LCLAT1: variants seen among roughly 807,000 people sequenced by gnomAD.
LCLAT1 encodes 1-AGP acyltransferase 8.
A neutral mutation model predicts 30.7 loss-of-function variants in LCLAT1; 11 were observed. That is an observed-to-expected ratio of 0.36 (90% CI 0.23 to 0.59). LCLAT1 has a LOEUF of 0.59. Among genes scored for constraint, LCLAT1 ranks in the 20% least tolerant of loss-of-function variants. The probability of loss-of-function intolerance (pLI) is 0.77; values close to 1 mark genes in which losing one functional copy is unlikely to be tolerated. For synonymous variants in LCLAT1, 155 were observed against 151.3 expected, an observed-to-expected ratio of 1.02 and a Z score of -0.18; for missense variants, 402 against 458.6, an observed-to-expected ratio of 0.88 and a Z score of 1.13.
At chr2:30,484,052 T>G (rs1683448385) in intron 1 of LCLAT1, among the ~76,000 whole-genome samples, 2 of 152,186 alleles carry the variant, frequency 1.3e-5, no homozygotes, top group Admixed American at 6.5e-5. Context: ...AGCAGTCACC[T>G]TAGAGGTTTT....
chr2:30,567,634 C>G (rs1014610313), intron 4 of LCLAT1, among the ~76,000 whole-genome samples: 1 of 152,156 alleles, frequency 6.6e-6, no homozygotes, highest in African/African-American at 2.4e-5. Flanking sequence ...TGGGCAGTTA[C>G]CCGAGACAGC....
chr2:30,607,206 T>A (rs1177226195), intron 5 of LCLAT1: 1 of 152,132 alleles, frequency 6.6e-6, no homozygotes, highest in Non-Finnish European at 1.5e-5. Flanking sequence ...CGGCTAATTT[T>A]TTTGTATTTT....
chr2:30,459,666 C>T (rs745751696), intron 1 of LCLAT1: 123 of 1,613,960 alleles, frequency 7.6e-5, no homozygotes, highest in East Asian at 2.7e-4. Flanking sequence ...GGTCAATTAA[C>T]GAGGCAGTTT....
intron 1 of LCLAT1, among the ~76,000 whole-genome samples, chr2:30,511,944 G>A (rs1300675865): frequency 6.6e-6 from 1 of 152,138 alleles, no homozygotes; most frequent in Non-Finnish European, 1.5e-5. Flanking sequence ...CCGCCTCCTA[G>A]GCCTTAGGAG....
intron 2 of LCLAT1, among the ~76,000 whole-genome samples, chr2:30,531,265 A>G (rs2148393679): frequency 1.3e-5 from 2 of 152,296 alleles, no homozygotes; most frequent in East Asian, 3.9e-4. Context: ...ACTCCGTCTC[A>G]AAAGAAAAAA....
chr2:30,508,782 G>A (rs550865371), intron 1 of LCLAT1, among the ~76,000 whole-genome samples: 2 of 152,144 alleles, frequency 1.3e-5, no homozygotes, highest in East Asian at 3.9e-4. Context: ...TTTTAAAATA[G>A]TTTTTTTCTA....
At chr2:30,478,450 T>C (rs757801051) in intron 1 of LCLAT1, among the ~76,000 whole-genome samples, 3 of 152,204 alleles carry the variant, frequency 2.0e-5, no homozygotes, top group Non-Finnish European at 4.4e-5. Flanking sequence ...ACATTTCTAA[T>C]CTGGGAAACA....
intron 1 of LCLAT1, among the ~76,000 whole-genome samples, chr2:30,460,947 C>T (rs1165541144): frequency 6.6e-6 from 1 of 152,222 alleles, no homozygotes; most frequent in East Asian, 1.9e-4. Context: ...AGCAGGGAAG[C>T]TTTGCATCCC....
At chr2:30,523,970 C>T (rs1042146222) in intron 1 of LCLAT1, among the ~76,000 whole-genome samples, 6 of 152,186 alleles carry the variant, frequency 3.9e-5, no homozygotes, top group Admixed American at 6.5e-5. Flanking sequence ...TCAAAAGCAC[C>T]ATGACGTTTG....
intron 5 of LCLAT1, among the ~76,000 whole-genome samples, chr2:30,582,400 G>C (rs1442414619): frequency 6.6e-6 from 1 of 152,124 alleles, no homozygotes; most frequent in Non-Finnish European, 1.5e-5. Context: ...ATTTTATGAG[G>C]ATATATAACT....
chr2:30,562,507 A>AAAAACAAAAC (rs148957012), intron 4 of LCLAT1, among the ~76,000 whole-genome samples: 13 of 151,984 alleles, frequency 8.6e-5, no homozygotes, highest in African/African-American at 3.1e-4. Context: ...TTCATCTCAA[A>AAAAACAAAAC]AAAACAAAAC....
At chr2:30,524,897 G>A (rs1169602576) in intron 1 of LCLAT1, among the ~76,000 whole-genome samples, 2 of 152,136 alleles carry the variant, frequency 1.3e-5, no homozygotes, top group Non-Finnish European at 2.9e-5. Context: ...TGGATCCAAA[G>A]TGGGGACCGT....
intron 5 of LCLAT1, among the ~76,000 whole-genome samples, chr2:30,582,236 A>G (rs1666239881): frequency 7.1e-6 from 1 of 140,208 alleles, no homozygotes; most frequent in Non-Finnish European, 1.5e-5. Context: ...CAATGGTGCT[A>G]AATTGTTCAA....
chr2:30,621,303 T>C (rs1288908002), intron 5 of LCLAT1, among the ~76,000 whole-genome samples: 1 of 152,142 alleles, frequency 6.6e-6, no homozygotes, highest in Non-Finnish European at 1.5e-5. Flanking sequence ...AATTCCTATA[T>C]TGAGGCCTCA....
At chr2:30,506,902 T>C (rs938299627) in intron 1 of LCLAT1, among the ~76,000 whole-genome samples, 2 of 152,144 alleles carry the variant, frequency 1.3e-5, no homozygotes, top group African/African-American at 2.4e-5. Context: ...AAAAAAACAA[T>C]CAGTTTGACT....
chr2:30,501,060 TTTG>T (rs1684352702), intron 1 of LCLAT1, among the ~76,000 whole-genome samples: 2 of 141,244 alleles, frequency 1.4e-5, no homozygotes, highest in Non-Finnish European at 3.0e-5. Context: ...AATTCCGTTT[TTTG>T]TTTTGTTTTG....
At chr2:30,510,976 A>G (rs1435662823) in intron 1 of LCLAT1, among the ~76,000 whole-genome samples, 2 of 152,060 alleles carry the variant, frequency 1.3e-5, no homozygotes, top group African/African-American at 4.8e-5. Context: ...AATGTTAAAG[A>G]TAGTTTTCTT....
chr2:30,639,350 C>G (rs563457071), intron 5 of LCLAT1, among the ~76,000 whole-genome samples: 1 of 149,380 alleles, frequency 6.7e-6, no homozygotes, highest in South Asian at 2.1e-4. Context: ...TCTTACTTGA[C>G]TGTCTATCTC....
chr2:30,508,813 G>A (rs74546270), intron 1 of LCLAT1, among the ~76,000 whole-genome samples: 36,539 of 151,992 alleles, frequency 0.24, 4,923 homozygotes, highest in Non-Finnish European at 0.31. Context: ...GAATGTCATT[G>A]GTTGTTTAAT....
Sources: gnomAD v4.1 joint callset for allele counts (sites outside exome capture counted in the v4.1 genomes callset) on GRCh38, gnomAD v4.1.1 for gene constraint, MANE v1.5 for transcripts, NCBI Gene and HGNC (gene_info 2026-07-23, HGNC 2026-07-21) for gene names.